Variants in DSCAM observed in about 807,000 individuals in gnomAD.
DSCAM encodes the protein DS cell adhesion molecule, also known as cell adhesion molecule DSCAM.
DSCAM carries 47 observed loss-of-function variants against 217.7 expected under a neutral mutation model. That is an observed-to-expected ratio of 0.22 (90% CI 0.17 to 0.28). The LOEUF (loss-of-function observed/expected upper bound fraction) is 0.28, where lower values mean the gene tolerates loss of function less well. DSCAM is among the 10% of genes least tolerant of loss of function. DSCAM has a pLI of 1.00. For missense variants in DSCAM, 2,080 were observed against 2,618.3 expected, an observed-to-expected ratio of 0.79 and a Z score of 4.49; for synonymous variants, 1,056 against 1,015.3, an observed-to-expected ratio of 1.04 and a Z score of -0.76.
chr21:40,593,932 A>G (rs2077002195), intron 3 of DSCAM, among the ~76,000 whole-genome samples: 1 of 152,198 alleles, frequency 6.6e-6, no homozygotes, highest in Non-Finnish European at 1.5e-5. Flanking sequence ...GAAGGTTTTA[A>G]TCGACTCCTA....
At chr21:40,674,695 C>A (rs966074552) in intron 3 of DSCAM, among the ~76,000 whole-genome samples, 2 of 142,920 alleles carry the variant, frequency 1.4e-5, no homozygotes, top group African/African-American at 5.3e-5. Context: ...TGCAGTGGCG[C>A]GATCTCGGCT....
chr21:40,260,891 C>T (rs897368376), intron 11 of DSCAM, among the ~76,000 whole-genome samples: 5 of 152,148 alleles, frequency 3.3e-5, no homozygotes, highest in South Asian at 4.1e-4. Flanking sequence ...AAAAAGCCCC[C>T]GACATCCAGG....
At chr21:40,770,973 AT>A (rs2091439109) in intron 1 of DSCAM, among the ~76,000 whole-genome samples, 1 of 152,192 alleles carries the variant, frequency 6.6e-6, no homozygotes, top group Admixed American at 6.5e-5. Flanking sequence ...CTTCCAGGAG[AT>A]TTAGAATGAA....
chr21:40,500,818 C>G (rs1223075702), intron 3 of DSCAM, among the ~76,000 whole-genome samples: 2 of 152,208 alleles, frequency 1.3e-5, no homozygotes, highest in Non-Finnish European at 2.9e-5. Flanking sequence ...CTATAGTCTC[C>G]TGCTGATGCC....
At chr21:40,564,292 G>A (rs1279583959) in intron 3 of DSCAM, among the ~76,000 whole-genome samples, 1 of 152,214 alleles carries the variant, frequency 6.6e-6, no homozygotes, top group South Asian at 2.1e-4. Context: ...GATTTTGAGA[G>A]TATGAATTTT....
chr21:40,489,569 T>A (rs2076057761), intron 3 of DSCAM, among the ~76,000 whole-genome samples: 2 of 151,550 alleles, frequency 1.3e-5, no homozygotes, highest in Admixed American at 1.3e-4. Flanking sequence ...GGTCAGGAGA[T>A]CGAGACCATC....
At chr21:40,077,944 T>C (rs544132400) in intron 26 of DSCAM, among the ~76,000 whole-genome samples, 1 of 152,350 alleles carries the variant, frequency 6.6e-6, no homozygotes, top group South Asian at 2.1e-4. Flanking sequence ...AGCCCGCTGC[T>C]GCTGGGACTT....
In DSCAM at chr21:40,381,634, T is replaced by C. The variant is rs192204981; in HGVS notation, c.509-12389A>G. ...TTGGCAAAACACATTGAAAATTAAC[T>C]GTAAAGTTTGTCTACCTGATACAGA... On this transcript the variant is annotated intron_variant, in intron 3 of 32. Coordinates refer to ENST00000400454, the MANE Select transcript of DSCAM (RefSeq NM_001389.5). Among the ~76,000 whole-genome samples, 403 of 152,316 alleles carry C rather than the reference T, an allele frequency of 2.6e-3. 4 individuals carry two copies. Among genetic ancestry groups the C allele is most frequent in the African/African-American group, 9.0e-3 (376 of 41,578 alleles).
At chr21:40,733,732 C>T (rs891870261) in intron 1 of DSCAM, among the ~76,000 whole-genome samples, 1 of 152,108 alleles carries the variant, frequency 6.6e-6, no homozygotes, top group East Asian at 1.9e-4. Flanking sequence ...CCTCAGGGGC[C>T]ATGCCCACTG....
chr21:40,447,196 T>G (rs969882749), intron 3 of DSCAM, among the ~76,000 whole-genome samples: 1 of 152,168 alleles, frequency 6.6e-6, no homozygotes, highest in Non-Finnish European at 1.5e-5. Context: ...TGTAGGTGAA[T>G]GAAACTCGAC....
At position 40,021,872 on chromosome 21, in the gene DSCAM, C is replaced by T. The variant is rs116181325; in HGVS notation, c.5687-8486G>A. On this transcript the variant is annotated intron_variant, in intron 32 of 32. Coordinates refer to ENST00000400454, the MANE Select transcript of DSCAM (RefSeq NM_001389.5). ...CTCAGAGCTTGTCCCCCTCCACTAA[C>T]GGTGCATTAGAACCATGGTTGGCCT... 3.1e-3 allele frequency among the ~76,000 whole-genome samples: 477 copies of T among 152,292 alleles called. 5 individuals carry two copies. Among genetic ancestry groups the T allele is most frequent in the African/African-American group, 0.011 (463 of 41,558 alleles).
chr21:40,447,316 C>T (rs1451391835), intron 3 of DSCAM, among the ~76,000 whole-genome samples: 4 of 152,184 alleles, frequency 2.6e-5, no homozygotes, highest in African/African-American at 4.8e-5. Context: ...TCCCATGACT[C>T]ATTTTGGTTG....
At chr21:40,809,332 G>C (rs936049436) in intron 1 of DSCAM, among the ~76,000 whole-genome samples, 1 of 152,186 alleles carries the variant, frequency 6.6e-6, no homozygotes, top group Non-Finnish European at 1.5e-5. Flanking sequence ...TATAAAGAAA[G>C]TAGACAGAAG....
At chr21:40,611,057 ATTTTTTT>A (rs527262141) in intron 3 of DSCAM, among the ~76,000 whole-genome samples, 2 of 129,806 alleles carry the variant, frequency 1.5e-5, no homozygotes, top group East Asian at 2.3e-4. Context: ...TTAGTTTTCA[ATTTTTTT>A]TTTTTTTTTT....
chr21:40,268,560 T>C (rs1275536988), intron 11 of DSCAM, among the ~76,000 whole-genome samples: 2 of 151,800 alleles, frequency 1.3e-5, no homozygotes, highest in Admixed American at 1.3e-4. Flanking sequence ...AATAATAACA[T>C]TTTAGTTGCT....
chr21:40,159,955 T>A (rs1467804676), intron 16 of DSCAM, among the ~76,000 whole-genome samples: 1 of 152,196 alleles, frequency 6.6e-6, no homozygotes, highest in Non-Finnish European at 1.5e-5. Context: ...ACATTTACAT[T>A]TATTGGGAGA....
intron 3 of DSCAM, among the ~76,000 whole-genome samples, chr21:40,580,934 A>G (rs1174374358): frequency 2.0e-5 from 3 of 152,232 alleles, no homozygotes; most frequent in Non-Finnish European, 4.4e-5. Context: ...AATTAGCTCA[A>G]TATTCAATTT....
In DSCAM at chr21:40,287,781, G is replaced by C. The variant is rs538562725; in HGVS notation, c.2182+8274C>G. Among the ~76,000 whole-genome samples, 18 of 152,288 alleles carry C rather than the reference G, an allele frequency of 1.2e-4. No individual in the cohort carries two copies. In the South Asian group the frequency reaches 2.9e-3, roughly 25 times the overall value. On this transcript the variant is annotated intron_variant, in intron 10 of 32. Coordinates refer to ENST00000400454, the MANE Select transcript of DSCAM (RefSeq NM_001389.5). ...TAAGGGACAGCCAGGCCCTCTGGGG[G>C]ACTGTGCGTGGTGAGTGCAGAAGTG...
intron 5 of DSCAM, among the ~76,000 whole-genome samples, chr21:40,350,047 A>G (rs1310822461): frequency 6.6e-6 from 1 of 151,880 alleles, no homozygotes; most frequent in Non-Finnish European, 1.5e-5. Flanking sequence ...ATCTTCTCCT[A>G]TTATTATTAT....
Sources: gnomAD v4.1 joint callset for allele counts (sites outside exome capture counted in the v4.1 genomes callset) on GRCh38, gnomAD v4.1.1 for gene constraint, MANE v1.5 for transcripts, NCBI Gene and HGNC (gene_info 2026-07-23, HGNC 2026-07-21) for gene names.